GFRA1: variants seen among roughly 807,000 people sequenced by gnomAD.
GFRA1 encodes GDNF family receptor alpha 1.
A neutral mutation model predicts 51.6 loss-of-function variants in GFRA1; 16 were observed. The ratio of observed to expected loss-of-function variants is 0.31; its 90% CI spans 0.21 to 0.47. The LOEUF is 0.47. Among genes scored for constraint, GFRA1 ranks in the 20% least tolerant of loss-of-function variants. The pLI, the probability that GFRA1 is intolerant of heterozygous loss-of-function variation, is 1.00. For synonymous variants in GFRA1, 270 were observed against 241.3 expected, an observed-to-expected ratio of 1.12 and a Z score of -1.10; for missense variants, 530 against 594.3, an observed-to-expected ratio of 0.89 and a Z score of 1.13.
intron 6 of GFRA1, among the ~76,000 whole-genome samples, chr10:116,114,420 C>T (rs1173179895): frequency 5.9e-5 from 9 of 152,220 alleles, no homozygotes; most frequent in Admixed American, 3.3e-4. Flanking sequence ...TCCGCCCCTC[C>T]GTTTTCCCTA....
intron 6 of GFRA1, among the ~76,000 whole-genome samples, chr10:116,102,361 A>G (rs1956849361): frequency 1.3e-5 from 2 of 152,200 alleles, no homozygotes; most frequent in Non-Finnish European, 2.9e-5. Flanking sequence ...AGCAGGCGCC[A>G]GAGGATGCAG....
intron 9 of GFRA1, among the ~76,000 whole-genome samples, chr10:116,066,229 G>C (rs1337729047): frequency 1.3e-5 from 2 of 152,220 alleles, no homozygotes; most frequent in East Asian, 1.9e-4. Context: ...AAAAGGACCT[G>C]GTCCCTGGGT....
At chr10:116,124,149 C>G (rs57351294) in intron 6 of GFRA1, among the ~76,000 whole-genome samples, 188 of 152,310 alleles carry the variant, frequency 1.2e-3, no homozygotes, top group African/African-American at 4.1e-3. Flanking sequence ...AAGCGATCTG[C>G]CTGCCTCAGC....
intron 5 of GFRA1, among the ~76,000 whole-genome samples, chr10:116,151,648 T>C (rs949208662): frequency 2.6e-5 from 4 of 151,966 alleles, no homozygotes; most frequent in African/African-American, 9.7e-5. Flanking sequence ...GCAAATGACA[T>C]AGAACGGGGC....
chr10:116,137,621 T>C (rs1958385451), intron 5 of GFRA1, among the ~76,000 whole-genome samples: 1 of 152,164 alleles, frequency 6.6e-6, no homozygotes, highest in Non-Finnish European at 1.5e-5. Flanking sequence ...GCATGAATAA[T>C]AATTGCAGCG....
intron 6 of GFRA1, among the ~76,000 whole-genome samples, chr10:116,124,217 TTTC>T (rs369954258): frequency 4.4e-4 from 67 of 150,726 alleles, no homozygotes; most frequent in Admixed American, 6.6e-4. Context: ...TGGTTTTTCT[TTTC>T]TTCTTCTTCT....
chr10:116,182,306 A>G, intron 5 of GFRA1, among the ~76,000 whole-genome samples: 1 of 152,368 alleles, frequency 6.6e-6, no homozygotes, highest in African/African-American at 2.4e-5. Context: ...ACTTGCTGGA[A>G]CTATATTTTG....
chr10:116,104,950 G>A (rs1315636839), intron 6 of GFRA1, among the ~76,000 whole-genome samples: 1 of 152,134 alleles, frequency 6.6e-6, no homozygotes, highest in African/African-American at 2.4e-5. Flanking sequence ...TGATGGTCAT[G>A]GTACAAGAAA....
At chr10:116,072,079 T>C (rs1469487317) in intron 9 of GFRA1, among the ~76,000 whole-genome samples, 1 of 152,202 alleles carries the variant, frequency 6.6e-6, no homozygotes, top group Admixed American at 6.5e-5. Flanking sequence ...AGGCTTTTTT[T>C]TTTTTCAGGA....
intron 5 of GFRA1, among the ~76,000 whole-genome samples, chr10:116,180,658 TC>T (rs1962125210): frequency 6.6e-6 from 1 of 152,204 alleles, no homozygotes; most frequent in African/African-American, 2.4e-5. Context: ...ATCATTGGCC[TC>T]TCTGCCTGTT....
chr10:116,135,763 G>T (rs1403401730), intron 5 of GFRA1, among the ~76,000 whole-genome samples: 3 of 152,216 alleles, frequency 2.0e-5, no homozygotes, highest in Non-Finnish European at 4.4e-5. Context: ...GATCTTCTAG[G>T]AGGACTCAAG....
chr10:116,255,662 T>G, intron 4 of GFRA1: 2 of 1,286,976 alleles, frequency 1.6e-6, no homozygotes, highest in South Asian at 2.5e-5. Context: ...ATCCCCACAT[T>G]CCGGTCTCTG....
chr10:116,175,912 G>A (rs1961540105), intron 5 of GFRA1, among the ~76,000 whole-genome samples: 1 of 152,022 alleles, frequency 6.6e-6, no homozygotes, highest in African/African-American at 2.4e-5. Context: ...CATGTGAGGT[G>A]GAGTTCCCAG....
At chr10:116,261,647 G>T (rs778761102) in intron 4 of GFRA1, among the ~76,000 whole-genome samples, 1 of 152,064 alleles carries the variant, frequency 6.6e-6, no homozygotes, top group Non-Finnish European at 1.5e-5. Flanking sequence ...CTTTATAAAG[G>T]TTATGAACAT....
intron 5 of GFRA1, among the ~76,000 whole-genome samples, chr10:116,153,815 G>C (rs1382855488): frequency 6.6e-6 from 1 of 152,122 alleles, no homozygotes; most frequent in Admixed American, 6.5e-5. Context: ...CTACCACATA[G>C]GAGGAGACAT....
chr10:116,086,508 C>T (rs1256444912), intron 9 of GFRA1, among the ~76,000 whole-genome samples: 1 of 152,206 alleles, frequency 6.6e-6, no homozygotes, highest in East Asian at 1.9e-4. Context: ...CTGGTGAGGA[C>T]AAGAGCAGGG....
intron 4 of GFRA1, among the ~76,000 whole-genome samples, chr10:116,223,857 G>A (rs993243993): frequency 6.6e-6 from 1 of 152,140 alleles, no homozygotes; most frequent in Non-Finnish European, 1.5e-5. Context: ...AAGAATTTAG[G>A]TGGCAGGCTT....
chr10:116,269,371 CCTATTT>C (rs1969914432), intron 4 of GFRA1, 126 bp downstream of exon 4: 1 of 714,944 alleles, frequency 1.4e-6, no homozygotes, highest in East Asian at 2.7e-5. Context: ...TTATCATCAT[CCTATTT>C]CTAATTTCCC....
chr10:116,095,111 G>T (rs759938696), intron 7 of GFRA1, among the ~76,000 whole-genome samples: 13 of 152,246 alleles, frequency 8.5e-5, no homozygotes, highest in Non-Finnish European at 1.8e-4. Flanking sequence ...TCATGGAAAT[G>T]CTGGCAGTAC....
Sources: gnomAD v4.1 joint callset for allele counts (sites outside exome capture counted in the v4.1 genomes callset) on GRCh38, gnomAD v4.1.1 for gene constraint, MANE v1.5 for transcripts, NCBI Gene and HGNC (gene_info 2026-07-23, HGNC 2026-07-21) for gene names.